Variants in COL4A6 observed in about 807,000 individuals in gnomAD.
COL4A6 encodes collagen type IV alpha 6 chain, also known as collagen alpha-6(IV) chain.
In COL4A6, 59 loss-of-function variants were observed where a neutral mutation model predicts 126.7. The ratio of observed to expected loss-of-function variants is 0.47; its 90% CI spans 0.38 to 0.58. COL4A6 has a LOEUF of 0.58. Among genes scored for constraint, COL4A6 ranks in the 20% least tolerant of loss-of-function variants. The probability of loss-of-function intolerance (pLI) is 0.00; values close to 1 mark genes in which losing one functional copy is unlikely to be tolerated. For synonymous variants in COL4A6, 547 were observed against 496.6 expected (o/e 1.10, Z -1.35); for missense variants, 1,285 against 1,337.3 (o/e 0.96, Z 0.61).
At chrX:108,254,060 G>A (rs2036928585) in intron 3 of COL4A6, among the ~76,000 whole-genome samples, 1 of 111,418 alleles carries the variant, frequency 9.0e-6, no homozygotes, top group Non-Finnish European at 1.9e-5. Flanking sequence ...AAGTGGAGAT[G>A]ACAGAAAATC....
intron 2 of COL4A6, among the ~76,000 whole-genome samples, chrX:108,358,854 T>C (rs1216955617): frequency 9.0e-6 from 1 of 111,699 alleles, no homozygotes; most frequent in Non-Finnish European, 1.9e-5. Flanking sequence ...TAACATAAGG[T>C]AAGGTATGGG....
At chrX:108,428,195 G>A (rs1198340459) in intron 2 of COL4A6, among the ~76,000 whole-genome samples, 2 of 111,080 alleles carry the variant, frequency 1.8e-5, no homozygotes, top group East Asian at 2.8e-4. Flanking sequence ...AATATATCTC[G>A]TAATGTTTTA....
intron 13 of COL4A6, among the ~76,000 whole-genome samples, chrX:108,197,308 C>T (rs1182514797): frequency 9.0e-6 from 1 of 111,596 alleles, no homozygotes; most frequent in African/African-American, 3.3e-5. Flanking sequence ...AAAGCAGGAA[C>T]TCCAAGAAGC....
In COL4A6 at chrX:108,187,862, G is replaced by C; in HGVS notation, c.1753C>G (p.Leu585Val). ...GATCAACTTACCGGAAGGCCTGGCA[G>C]ACCTGGTAAACCTGGTACTCCGTCC... ...GKDGVPGLPG[L>V]PGLPGDGGQG... Residue 585 changes from leucine (L) to valine (V), a missense_variant, in exon 22 of 45, where the codon CTG becomes GTG. Transcript: ENST00000334504. 5.0e-6 allele frequency: 6 copies of C among 1,205,554 alleles called. No homozygotes were observed. Among genetic ancestry groups the C allele is most frequent in the Non-Finnish European group, 6.7e-6 (6 of 891,469 alleles).
intron 3 of COL4A6, among the ~76,000 whole-genome samples, chrX:108,261,379 G>A (rs997305927): frequency 9.0e-6 from 1 of 111,240 alleles, no homozygotes; most frequent in African/African-American, 3.3e-5. Context: ...TTCCAAGATG[G>A]TTTAGAGAAA....
intron 2 of COL4A6, among the ~76,000 whole-genome samples, chrX:108,390,017 G>C (rs986127272): frequency 1.8e-5 from 2 of 111,653 alleles, no homozygotes. Flanking sequence ...TGAAATTCTG[G>C]GTTGAAAATT....
chrX:108,425,163 CTGTA>C (rs1438341785), intron 2 of COL4A6, among the ~76,000 whole-genome samples: 5 of 59,309 alleles, frequency 8.4e-5, no homozygotes, highest in Admixed American at 8.3e-4. Context: ...GCCCAGTTAA[CTGTA>C]TGTGTGTGTG....
chrX:108,390,884 T>A lies in COL4A6; in HGVS notation c.63+47058A>T, dbSNP rs146936260. ...TTCGTGGATTTGATGTTGGTGACCT[T>A]TGGATGGGGTCTCTGAGTGGACGTC... On this transcript the variant is annotated intron_variant, in intron 2 of 44. Coordinates refer to ENST00000334504, the MANE Select transcript of COL4A6 (RefSeq NM_033641.4). 5.4e-3 allele frequency among the ~76,000 whole-genome samples: 604 copies of A among 111,430 alleles called. 6 individuals carry two copies. Among genetic ancestry groups the A allele is most frequent in the African/African-American group, 0.019 (571 of 30,602 alleles).
chrX:108,201,443 C>A (rs1446557233), intron 13 of COL4A6, among the ~76,000 whole-genome samples: 1 of 111,844 alleles, frequency 8.9e-6, no homozygotes, highest in Non-Finnish European at 1.9e-5. Context: ...ATAAGACAAT[C>A]AAAAATTTGA....
chrX:108,286,491 C>T (rs946261888), intron 3 of COL4A6, among the ~76,000 whole-genome samples: 2 of 112,115 alleles, frequency 1.8e-5, no homozygotes, highest in South Asian at 7.6e-4. Flanking sequence ...ATAAAGACTA[C>T]AATTCTTGAT....
chrX:108,190,550 C>T lies in COL4A6; in HGVS notation c.1322-54G>A, dbSNP rs2035007689. ...GCAACTTGTATAAGCCTGATGACTT[C>T]CCTGACTCAACACAGCAGCTCAATC... On this transcript the variant is annotated intron_variant, in intron 19 of 44. Transcript: ENST00000334504. The T allele has an allele frequency of 1.4e-5, 11 of 779,955 alleles. No individual in the cohort carries two copies. In the Admixed American group the frequency reaches 2.2e-4, roughly 16 times the overall value. The allele number at this position is 779,955 out of a possible 1,213,427, so 64.3% of individuals were successfully genotyped here.
At chrX:108,420,369 T>G (rs773968283) in intron 2 of COL4A6, among the ~76,000 whole-genome samples, 15 of 111,501 alleles carry the variant, frequency 1.3e-4, no homozygotes, top group African/African-American at 4.9e-4. Context: ...GTCCCCCAGG[T>G]GACTCATTAT....
intron 2 of COL4A6, among the ~76,000 whole-genome samples, chrX:108,342,585 G>T (rs2039591433): frequency 8.9e-6 from 1 of 111,739 alleles, no homozygotes; most frequent in Non-Finnish European, 1.9e-5. Context: ...TACAATGAAT[G>T]AGAAAAGCAA....
At chrX:108,250,613 A>T (rs1602926250) in intron 3 of COL4A6, among the ~76,000 whole-genome samples, 1 of 110,547 alleles carries the variant, frequency 9.0e-6, no homozygotes, top group East Asian at 2.9e-4. Context: ...TCCACAATAC[A>T]ATCAAGGCTT....
At chrX:108,401,715 C>A (rs1353969657) in intron 2 of COL4A6, among the ~76,000 whole-genome samples, 1 of 110,908 alleles carries the variant, frequency 9.0e-6, no homozygotes, top group Non-Finnish European at 1.9e-5. Flanking sequence ...AAATTTGCAG[C>A]ATTTACATGT....
Position 108,326,158 on chromosome X carries a change from A to T in COL4A6, c.64-15330T>A, listed in dbSNP as rs1244733260. The stretch of plus-strand genomic sequence containing the variant: ...CATGATCTATATAAAATATAGCATG[A>T]AATCTACAAAAAAACTACTAGAACT... On this transcript the variant is annotated intron_variant, in intron 2 of 44. Transcript: ENST00000334504. Among the ~76,000 whole-genome samples, 6 of 112,529 alleles carry T rather than the reference A, an allele frequency of 5.3e-5. 1 individual carries two copies. The highest frequency in any genetic ancestry group is 1.9e-4 in the African/African-American group (6 of 30,971).
chrX:108,252,119 A>G (rs2036864254), intron 3 of COL4A6, among the ~76,000 whole-genome samples: 1 of 110,944 alleles, frequency 9.0e-6, no homozygotes, highest in African/African-American at 3.3e-5. Context: ...TTGACCAACC[A>G]ATGTCCTTCT....
intron 2 of COL4A6, chrX:108,383,470 G>A: frequency 2.2e-6 from 1 of 463,057 alleles, no homozygotes; most frequent in South Asian, 3.0e-5. Flanking sequence ...TTGGGAGGTA[G>A]GTTACCCCAG....
intron 3 of COL4A6, among the ~76,000 whole-genome samples, chrX:108,225,714 C>T (rs570180451): frequency 2.7e-5 from 3 of 112,888 alleles, no homozygotes; most frequent in Non-Finnish European, 3.7e-5. Flanking sequence ...GATATATCAT[C>T]GAAGAATCTT....
Sources: gnomAD v4.1 joint callset for allele counts (sites outside exome capture counted in the v4.1 genomes callset) on GRCh38, gnomAD v4.1.1 for gene constraint, MANE v1.5 for transcripts, NCBI Gene and HGNC (gene_info 2026-07-23, HGNC 2026-07-21) for gene names.